Variants in GNAS observed in about 807,000 individuals in gnomAD.
The protein encoded by GNAS is protein ALEX.
Under a neutral mutation model 54.5 loss-of-function variants are expected in GNAS, and 8 were observed. The observed-to-expected ratio is 0.15, with a 90% CI of 0.09 to 0.26. The LOEUF is 0.26. Ranked by LOEUF, GNAS falls within the 10% of genes least tolerant of loss-of-function variation. GNAS has a pLI of 1.00. For missense variants in GNAS, 170 were observed against 529.8 expected (o/e 0.32, Z 6.67); for synonymous variants, 204 against 191.4 (o/e 1.07, Z -0.54).
intron 1 of GNAS, among the ~76,000 whole-genome samples, chr20:58,851,374 C>T (rs1479463209): frequency 2.0e-5 from 3 of 152,142 alleles, no homozygotes; most frequent in Non-Finnish European, 4.4e-5. Context: ...CCGTGCCGTG[C>T]GCCCTGCTTG....
intron 1 of GNAS, 163 bp downstream of exon 1, chr20:58,892,028 G>C (rs1363882138): frequency 4.7e-6 from 4 of 851,840 alleles, no homozygotes; most frequent in Non-Finnish European, 5.6e-6. Context: ...GGGGGACCCA[G>C]GGGCGCGGAT....
chr20:58,841,376 C>T lies in GNAS; in HGVS notation c.43+490C>T. Reference sequence around the variant, plus strand: ...GCTGTAGAGACACCGTTGAAATGTGCGGAAAGTAATCTGAATGGGAATGGG... The same window carrying T: ...GCTGTAGAGACACCGTTGAAATGTGTGGAAAGTAATCTGAATGGGAATGGG... On this transcript the variant is annotated intron_variant, in intron 1 of 12. Transcript: ENST00000306090. This position sits in a 1 kb window ranked among gnomAD's most constrained non-coding sequence, Gnocchi z 5.0. The T allele has an allele frequency of 9.8e-7, 1 of 1,016,260 alleles. No individual in the cohort carries two copies. The highest frequency in any genetic ancestry group is 1.2e-6 in the Non-Finnish European group (1 of 848,546). The allele number at this position is 1,016,260 out of a possible 1,614,324, so 63.0% of individuals were successfully genotyped here.
Position 58,911,074 on chromosome 20 carries a change from A to G in GNAS, c.*245A>G, listed in dbSNP as rs1404851668. 1.4e-5 allele frequency: 9 copies of G among 648,320 alleles called. No individual in the cohort carries two copies. In the African/African-American group the frequency reaches 1.6e-4, roughly 12 times the overall value. The allele number at this position is 648,320 out of a possible 1,614,324, so 40.2% of individuals were successfully genotyped here. On this transcript the variant is annotated 3_prime_UTR_variant, in exon 13 of 13. Transcript: ENST00000371085. ...CAAAAGTTCCCTCTCACTTTCAGTA[A>G]AAATAAATAAAACAGCAGCAGCAAA...
In GNAS at chr20:58,910,238, T is replaced by G; in HGVS notation, c.971-96T>G. 1.6e-6 allele frequency: 2 copies of G among 1,276,542 alleles called. No individual in the cohort carries two copies. Among genetic ancestry groups the G allele is most frequent in the Non-Finnish European group, 1.1e-6 (1 of 872,156 alleles). 79.1% of individuals were successfully genotyped at this position (1,276,542 alleles called of 1,614,324 possible). A position where few individuals can be genotyped will look rare whatever the true frequency, so the allele number is the denominator to read the frequency against. On this transcript the variant is annotated intron_variant, in intron 11 of 12. Transcript: ENST00000371085. This position sits in a 1 kb window ranked among gnomAD's most constrained non-coding sequence, Gnocchi z 5.8. Reference sequence around the variant, plus strand: ...TCCCACTAATTCTCATATGGAAAAATCAGGGTTTTGAAGACTTCAGGAGCT... The same window carrying G: ...TCCCACTAATTCTCATATGGAAAAAGCAGGGTTTTGAAGACTTCAGGAGCT...
intron 2 of GNAS, among the ~76,000 whole-genome samples, chr20:58,896,004 C>A (rs549040218): frequency 1.3e-5 from 2 of 152,294 alleles, no homozygotes; most frequent in Admixed American, 1.3e-4. Context: ...CGGGCCAGGT[C>A]CCTGCCACAG....
intron 1 of GNAS, chr20:58,852,979 TAAGGATAGACC>T: frequency 1.7e-6 from 2 of 1,184,638 alleles, no homozygotes; most frequent in Non-Finnish European, 2.1e-6. Context: ...GAGGAGGGCG[TAAGGATAGACC>T]AAGGAAGAGG....
At chr20:58,843,554 T>C (rs2085825599) in intron 1 of GNAS, among the ~76,000 whole-genome samples, 1 of 152,162 alleles carries the variant, frequency 6.6e-6, no homozygotes, top group Non-Finnish European at 1.5e-5. Context: ...AGGTGAGGTC[T>C]GCGGGGTGAG....
At chr20:58,904,606 C>T (rs1233221015) in intron 5 of GNAS, among the ~76,000 whole-genome samples, 1 of 152,160 alleles carries the variant, frequency 6.6e-6, no homozygotes, top group African/African-American at 2.4e-5. Context: ...GACTTGTCTA[C>T]AGCTAAAACA....
chr20:58,902,131 C>G (rs2090670160), intron 3 of GNAS, among the ~76,000 whole-genome samples: 1 of 125,410 alleles, frequency 8.0e-6, no homozygotes, highest in South Asian at 2.3e-4. Flanking sequence ...CTCCCCCCCT[C>G]TTGGCCTCAG....
In GNAS at chr20:58,903,686, C is replaced by G; in HGVS notation, c.327C>G (p.Ala109=). The G allele has an allele frequency of 6.2e-7, 1 of 1,614,120 alleles. No individual in the cohort carries two copies. Among genetic ancestry groups the G allele is most frequent in the Non-Finnish European group, 8.5e-7 (1 of 1,179,994 alleles). The part of the protein sequence containing the change: ...LKEAIETIVA[A]MSNLVPPVEL... Reference sequence around the variant, plus strand: ...ATCATTTTCAGACCATTGTGGCCGCCATGAGCAACCTGGTGCCCCCCGTGG... The same window carrying G: ...ATCATTTTCAGACCATTGTGGCCGCGATGAGCAACCTGGTGCCCCCCGTGG... The change falls in exon 5 of 13, where the codon GCC becomes GCG. Residue 109 remains alanine, a synonymous_variant. Transcript: ENST00000371085.
At chr20:58,894,459 G>A (rs1276978422) in intron 1 of GNAS, among the ~76,000 whole-genome samples, 1 of 152,108 alleles carries the variant, frequency 6.6e-6, no homozygotes, top group Non-Finnish European at 1.5e-5. Flanking sequence ...AAGTAAAGGA[G>A]GAATGCTGTG....
chr20:58,874,568 GC>G (rs1362800124), intron 1 of GNAS, among the ~76,000 whole-genome samples: 1 of 151,878 alleles, frequency 6.6e-6, no homozygotes, highest in Non-Finnish European at 1.5e-5. Flanking sequence ...TCTTGGGCTG[GC>G]CCCCGTCTTA....
At chr20:58,907,743 G>A (rs1383797578) in intron 6 of GNAS, among the ~76,000 whole-genome samples, 1 of 152,240 alleles carries the variant, frequency 6.6e-6, no homozygotes, top group Non-Finnish European at 1.5e-5. Context: ...AGAGAACAAC[G>A]CAGCTTAAAA....
chr20:58,887,427 A>C (rs1452893681), upstream of GNAS, among the ~76,000 whole-genome samples: 3 of 152,346 alleles, frequency 2.0e-5, no homozygotes, highest in East Asian at 1.9e-4. Flanking sequence ...TGTGTCATCA[A>C]GCGGTTCTAA....
At chr20:58,870,014 G>C (rs1336135481) in intron 1 of GNAS, among the ~76,000 whole-genome samples, 1 of 152,182 alleles carries the variant, frequency 6.6e-6, no homozygotes, top group East Asian at 1.9e-4. Flanking sequence ...GCTGGAAAAT[G>C]ATGAGGTCAT....
upstream of GNAS, chr20:58,889,341 A>C: frequency 2.0e-6 from 2 of 985,054 alleles, no homozygotes. Flanking sequence ...GTGTGAGTGC[A>C]CCTCACTCAC....
At chr20:58,864,747 C>A (rs1016306348) in intron 1 of GNAS, among the ~76,000 whole-genome samples, 1 of 152,158 alleles carries the variant, frequency 6.6e-6, no homozygotes, top group Non-Finnish European at 1.5e-5. Flanking sequence ...TTAGCCAGAC[C>A]AGCTTTTTAC....
upstream of GNAS, among the ~76,000 whole-genome samples, chr20:58,891,142 T>C (rs1403851618): frequency 1.3e-4 from 19 of 141,566 alleles, no homozygotes; most frequent in African/African-American, 4.6e-4. Context: ...GTGGGGGGCG[T>C]CTCCCCGGCC....
At chr20:58,892,072 G>A (rs1439066575) in intron 1 of GNAS, 5 of 958,464 alleles carry the variant, frequency 5.2e-6, no homozygotes, top group African/African-American at 1.8e-5. Flanking sequence ...CGGGGCGGGG[G>A]GCCGTGGCGA....
Sources: gnomAD v4.1 joint callset for allele counts (sites outside exome capture counted in the v4.1 genomes callset) on GRCh38, gnomAD v4.1.1 for gene constraint, Gnocchi (gnomAD v3.1) non-coding constraint, MANE v1.5 for transcripts, NCBI Gene and HGNC (gene_info 2026-07-23, HGNC 2026-07-21) for gene names.